The following DPP6 variants were observed in gnomAD, a reference collection of about 807,000 sequenced individuals.
DPP6 encodes the protein dipeptidyl peptidase like 6.
DPP6 carries 69 observed loss-of-function variants against 122.6 expected under a neutral mutation model. That is an observed-to-expected ratio of 0.56 (90% CI 0.46 to 0.69). The LOEUF is 0.69. DPP6 is among the 30% of genes least tolerant of loss of function. The pLI is 0.00. For synonymous variants in DPP6, 418 were observed against 433.1 expected (o/e 0.97, Z 0.43); for missense variants, 928 against 1,116.9 (o/e 0.83, Z 2.41).
intron 1 of DPP6, among the ~76,000 whole-genome samples, chr7:154,121,194 T>A (rs573397623): frequency 1.3e-5 from 2 of 152,370 alleles, no homozygotes; most frequent in South Asian, 4.1e-4. Flanking sequence ...CAGTCTCAGG[T>A]ATTTCTTCAT....
chr7:153,922,834 C>T (rs778156831), intron 1 of DPP6, among the ~76,000 whole-genome samples: 1 of 152,272 alleles, frequency 6.6e-6, no homozygotes, highest in Non-Finnish European at 1.5e-5. Context: ...CCTTAGCGAG[C>T]CCCCAGCACT....
chr7:153,999,463 T>A (rs1483550756), intron 1 of DPP6, among the ~76,000 whole-genome samples: 2 of 152,248 alleles, frequency 1.3e-5, no homozygotes, highest in African/African-American at 4.8e-5. Context: ...TTATGGGCAC[T>A]GAGTAACTTT....
At chr7:153,883,083 C>T (rs1280642854), upstream of DPP6, among the ~76,000 whole-genome samples, 3 of 151,980 alleles carry the variant, frequency 2.0e-5, no homozygotes, top group African/African-American at 7.2e-5. Flanking sequence ...AATATAGGAC[C>T]ACCTTCGCAT....
the DPP6 span, among the ~76,000 whole-genome samples, chr7:153,795,561 TA>T: frequency 6.6e-6 from 1 of 152,130 alleles, no homozygotes; most frequent in Non-Finnish European, 1.5e-5. Flanking sequence ...CTTTTGGTTT[TA>T]TTTATTTTCT....
At chr7:154,535,653 C>A (rs1828188471) in intron 3 of DPP6, among the ~76,000 whole-genome samples, 1 of 150,866 alleles carries the variant, frequency 6.6e-6, no homozygotes. Context: ...AGACTCATAT[C>A]CAGAATGCTT....
chr7:154,703,944 A>G (rs150503700), intron 7 of DPP6, among the ~76,000 whole-genome samples: 31 of 152,314 alleles, frequency 2.0e-4, no homozygotes, highest in African/African-American at 7.0e-4. Flanking sequence ...CTCAAAAAAA[A>G]AAAAAAGAAA....
chr7:154,584,426 C>G (rs1197626964), intron 5 of DPP6, among the ~76,000 whole-genome samples: 3 of 152,236 alleles, frequency 2.0e-5, no homozygotes, highest in Non-Finnish European at 4.4e-5. Context: ...GCCTATGAGT[C>G]CCCGCACTCC....
intron 2 of DPP6, among the ~76,000 whole-genome samples, chr7:154,453,712 C>T (rs1256806706): frequency 6.6e-6 from 1 of 152,116 alleles, no homozygotes; most frequent in East Asian, 1.9e-4. Flanking sequence ...TTAATCCTCT[C>T]AAGGGCAACC....
chr7:154,552,067 T>C (rs1829679827), intron 4 of DPP6, among the ~76,000 whole-genome samples: 2 of 152,218 alleles, frequency 1.3e-5, no homozygotes, highest in African/African-American at 4.8e-5. Flanking sequence ...TTTTGGGTGT[T>C]GCTGCTTATG....
chr7:154,285,002 A>G (rs933778633), intron 1 of DPP6, among the ~76,000 whole-genome samples: 8 of 152,224 alleles, frequency 5.3e-5, no homozygotes, highest in Admixed American at 5.2e-4. Context: ...ACCAGAGGCC[A>G]GAGGGAGGAG....
intron 1 of DPP6, among the ~76,000 whole-genome samples, chr7:154,028,276 C>G (rs1475551604): frequency 6.6e-6 from 1 of 152,000 alleles, no homozygotes; most frequent in East Asian, 1.9e-4. Context: ...TTTCTGGAGA[C>G]TGTATGCATC....
chr7:154,482,177 G>T (rs1189328991), intron 3 of DPP6, among the ~76,000 whole-genome samples: 1 of 152,184 alleles, frequency 6.6e-6, no homozygotes, highest in East Asian at 1.9e-4. Context: ...CAACGCAAAG[G>T]TCTTGGTGCA....
chr7:153,759,961 CTG>C, the DPP6 span, among the ~76,000 whole-genome samples: 2 of 151,154 alleles, frequency 1.3e-5, no homozygotes, highest in African/African-American at 4.9e-5. Flanking sequence ...CTGTCTCTCT[CTG>C]TTTCTGTATC....
At chr7:154,410,578 T>C (rs1365260192) in intron 1 of DPP6, among the ~76,000 whole-genome samples, 1 of 152,224 alleles carries the variant, frequency 6.6e-6, no homozygotes, top group African/African-American at 2.4e-5. Context: ...TTCTCTAACA[T>C]GCTGATCTGT....
intron 1 of DPP6, among the ~76,000 whole-genome samples, chr7:154,418,465 G>GT (rs1311853664): frequency 1.1e-4 from 17 of 152,190 alleles, no homozygotes; most frequent in African/African-American, 3.6e-4. Context: ...TTTCTTGAGT[G>GT]TTTTTTCTTA....
intron 7 of DPP6, among the ~76,000 whole-genome samples, chr7:154,717,381 A>AACACAC (rs147112173): frequency 6.7e-6 from 1 of 149,380 alleles, no homozygotes; most frequent in African/African-American, 2.5e-5. Context: ...CTTGCACACA[A>AACACAC]ACACACACAC....
At chr7:154,074,550 T>C (rs947205837) in intron 1 of DPP6, among the ~76,000 whole-genome samples, 3 of 152,234 alleles carry the variant, frequency 2.0e-5, no homozygotes, top group Admixed American at 6.5e-5. Flanking sequence ...TAAACAACTT[T>C]CCAATATAAA....
intron 1 of DPP6, among the ~76,000 whole-genome samples, chr7:154,242,423 C>T (rs1357117509): frequency 6.9e-6 from 1 of 144,022 alleles, no homozygotes; most frequent in Non-Finnish European, 1.5e-5. Context: ...TATATATATT[C>T]CCATAGGCTA....
At chr7:154,460,996 C>T (rs557657899) in intron 2 of DPP6, among the ~76,000 whole-genome samples, 1 of 152,146 alleles carries the variant, frequency 6.6e-6, no homozygotes, top group South Asian at 2.1e-4. Context: ...TGCCCACCCC[C>T]ACCATCCACC....
Sources: allele counts gnomAD v4.1 joint callset (sites outside exome capture counted in the v4.1 genomes callset), GRCh38; gene constraint gnomAD v4.1.1; transcripts MANE v1.5; gene names NCBI Gene and HGNC (gene_info 2026-07-23, HGNC 2026-07-21).